The following CADM2 variants were observed in gnomAD, a reference collection of about 807,000 sequenced individuals.
CADM2 encodes cell adhesion molecule 2.
In CADM2, 12 loss-of-function variants were observed where a neutral mutation model predicts 49.8. The ratio of observed to expected loss-of-function variants is 0.24; its 90% CI spans 0.15 to 0.39. CADM2 has a LOEUF of 0.39. Ranked by LOEUF, CADM2 falls within the 10% of genes least tolerant of loss-of-function variation. The pLI is 1.00. For missense variants in CADM2, 378 were observed against 492.3 expected, an observed-to-expected ratio of 0.77 and a Z score of 2.20; for synonymous variants, 214 against 175.4, an observed-to-expected ratio of 1.22 and a Z score of -1.74.
At chr3:85,549,401 G>C (rs74409181) in intron 1 of CADM2, among the ~76,000 whole-genome samples, 16 of 152,120 alleles carry the variant, frequency 1.1e-4, no homozygotes, top group African/African-American at 3.9e-4. Flanking sequence ...ATTTTGAACC[G>C]GTCTCATATA....
rs76938866 is a variant in CADM2, at chr3:85,287,506, T to A, written c.61+327838T>A. ...TAATAATCATTGAACACTAATGAGA[T>A]TTCTTCTCATTCCCTTGTGAAAATC... On this transcript the variant is annotated intron_variant, in intron 1 of 9. Transcript: ENST00000383699. 5.3e-3 allele frequency among the ~76,000 whole-genome samples: 813 copies of A among 152,216 alleles called. 4 individuals carry two copies. The highest frequency in any genetic ancestry group is 0.019 in the African/African-American group (771 of 41,530).
At chr3:85,794,082 T>G (rs1406445782) in intron 2 of CADM2, among the ~76,000 whole-genome samples, 1 of 152,212 alleles carries the variant, frequency 6.6e-6, no homozygotes, top group Admixed American at 6.5e-5. Context: ...CTGTTCTGGA[T>G]CACCATCTGT....
chr3:85,371,973 GT>G (rs1451512958), intron 1 of CADM2, among the ~76,000 whole-genome samples: 1 of 151,534 alleles, frequency 6.6e-6, no homozygotes, highest in Non-Finnish European at 1.5e-5. Flanking sequence ...GTTCAACTAA[GT>G]TTTTTGTTCT....
intron 3 of CADM2, among the ~76,000 whole-genome samples, chr3:85,848,759 G>A (rs1279485340): frequency 6.6e-6 from 1 of 152,074 alleles, no homozygotes; most frequent in Non-Finnish European, 1.5e-5. Context: ...CAGAATAACT[G>A]GAATAAATTA....
intron 1 of CADM2, among the ~76,000 whole-genome samples, chr3:85,402,932 C>T (rs7651113): frequency 0.77 from 117,347 of 151,998 alleles, 47,547 homozygotes; most frequent in East Asian, 0.95. Context: ...TATAGATATA[C>T]AGTCCATCTA....
chr3:85,792,674 A>T (rs2325037), intron 2 of CADM2, among the ~76,000 whole-genome samples: 13 of 152,134 alleles, frequency 8.5e-5, no homozygotes, highest in Non-Finnish European at 1.8e-4. Flanking sequence ...AATCTTTAGC[A>T]CAGGAAGAGA....
At chr3:85,319,188 T>C (rs1421413575) in intron 1 of CADM2, among the ~76,000 whole-genome samples, 17 of 152,222 alleles carry the variant, frequency 1.1e-4, no homozygotes. Flanking sequence ...CACCTAATTT[T>C]TTAACCTCTT....
intron 1 of CADM2, among the ~76,000 whole-genome samples, chr3:85,056,020 G>C (rs1015134620): frequency 1.3e-5 from 2 of 152,006 alleles, no homozygotes; most frequent in African/African-American, 4.8e-5. Flanking sequence ...ATGTCTCTGT[G>C]AATATAAACC....
chr3:84,994,752 G>A (rs1244334964), intron 1 of CADM2, among the ~76,000 whole-genome samples: 1 of 152,006 alleles, frequency 6.6e-6, no homozygotes, highest in African/African-American at 2.4e-5. Context: ...TGTTCGGCTG[G>A]GCGTGGTGCC....
chr3:85,934,511 T>A (rs1018761279), intron 6 of CADM2, among the ~76,000 whole-genome samples: 6 of 152,082 alleles, frequency 3.9e-5, no homozygotes, highest in Admixed American at 1.3e-4. Flanking sequence ...ACCACAAGTA[T>A]TTACTGTGAT....
chr3:85,400,785 C>T (rs1387373586), intron 1 of CADM2, among the ~76,000 whole-genome samples: 2 of 152,022 alleles, frequency 1.3e-5, no homozygotes, highest in Non-Finnish European at 2.9e-5. Flanking sequence ...AAGACGCAGG[C>T]GGAGGGTTTC....
At chr3:85,865,371 A>G (rs945199941) in intron 3 of CADM2, among the ~76,000 whole-genome samples, 1 of 152,110 alleles carries the variant, frequency 6.6e-6, no homozygotes, top group Non-Finnish European at 1.5e-5. Context: ...CCTCCAAATA[A>G]AATGTGTGTA....
intron 1 of CADM2, among the ~76,000 whole-genome samples, chr3:85,144,419 C>A (rs2039670582): frequency 6.6e-6 from 1 of 151,828 alleles, no homozygotes; most frequent in Non-Finnish European, 1.5e-5. Context: ...GTGACCAGCC[C>A]TGGCCAACGT....
chr3:85,204,855 T>A (rs1437257416), intron 1 of CADM2, among the ~76,000 whole-genome samples: 1 of 152,078 alleles, frequency 6.6e-6, no homozygotes. Context: ...TAGGGACATT[T>A]AACTCAGAAA....
intron 1 of CADM2, among the ~76,000 whole-genome samples, chr3:85,204,985 A>T (rs1189055272): frequency 6.6e-6 from 1 of 151,864 alleles, no homozygotes; most frequent in Non-Finnish European, 1.5e-5. Context: ...TTTACAGATA[A>T]TATAAATATA....
intron 1 of CADM2, among the ~76,000 whole-genome samples, chr3:85,323,948 C>T (rs989307487): frequency 4.6e-5 from 7 of 152,078 alleles, no homozygotes; most frequent in African/African-American, 1.4e-4. Context: ...GTTGAGGGCA[C>T]CTTACGAATC....
intron 7 of CADM2, among the ~76,000 whole-genome samples, chr3:85,952,610 T>C (rs1158929558): frequency 6.6e-6 from 1 of 150,894 alleles, no homozygotes; most frequent in Non-Finnish European, 1.5e-5. Flanking sequence ...AGTCTTTAAA[T>C]TGTTGTTTTT....
chr3:85,778,190 C>T (rs1420700929), intron 2 of CADM2, among the ~76,000 whole-genome samples: 1 of 152,036 alleles, frequency 6.6e-6, no homozygotes. Context: ...TCAAAAAATT[C>T]GCCTGTTGAA....
rs556141734 is a variant in CADM2 at position 85,750,962 on chromosome 3, CATTAGATTTAGA to C, written c.88+24418_88+24429del. Among the ~76,000 whole-genome samples, 173 of 152,080 alleles carry C rather than the reference CATTAGATTTAGA, an allele frequency of 1.1e-3. 1 individual carries two copies. The highest frequency in any genetic ancestry group is 3.9e-3 in the African/African-American group (162 of 41,506). On this transcript the variant is annotated intron_variant, in intron 2 of 9. Transcript: ENST00000383699. ...ATTACAAAATTACATATAATATAGG[CATTAGATTTAGA>C]ATTTAAATAAGAGAGGAATTTAATA...
Sources: gnomAD v4.1 joint callset for allele counts (sites outside exome capture counted in the v4.1 genomes callset) on GRCh38, gnomAD v4.1.1 for gene constraint, MANE v1.5 for transcripts, NCBI Gene and HGNC (gene_info 2026-07-23, HGNC 2026-07-21) for gene names.